The following CDK5RAP2 variants were observed in gnomAD, a reference collection of about 807,000 sequenced individuals.
CDK5RAP2 encodes the protein CDK5 regulatory subunit associated protein 2, also known as CDK5 regulatory subunit-associated protein 2.
CDK5RAP2 carries 147 observed loss-of-function variants against 232.9 expected under a neutral mutation model. That is an observed-to-expected ratio of 0.63 (90% CI 0.55 to 0.72). The LOEUF (loss-of-function observed/expected upper bound fraction) is 0.72, where lower values mean the gene tolerates loss of function less well. CDK5RAP2 is among the 30% of genes least tolerant of loss of function. The pLI, the probability that CDK5RAP2 is intolerant of heterozygous loss-of-function variation, is 0.00. For missense variants in CDK5RAP2, 2,195 were observed against 2,231.5 expected (o/e 0.98, Z 0.33); for synonymous variants, 833 against 833.7 (o/e 1.00, Z 0.01).
intron 27 of CDK5RAP2, among the ~76,000 whole-genome samples, chr9:120,416,962 A>G (rs976811490): frequency 6.6e-6 from 1 of 152,242 alleles, no homozygotes; most frequent in Non-Finnish European, 1.5e-5. Flanking sequence ...ACCTTCAGCT[A>G]TCTCCTGCTA....
intron 21 of CDK5RAP2, among the ~76,000 whole-genome samples, chr9:120,451,887 C>T (rs906945192): frequency 6.8e-6 from 1 of 147,548 alleles, no homozygotes. Flanking sequence ...AATATATATA[C>T]AGACAAACAG....
intron 12 of CDK5RAP2, among the ~76,000 whole-genome samples, chr9:120,494,229 CAT>C (rs757001392): frequency 1.3e-5 from 2 of 152,014 alleles, no homozygotes; most frequent in Non-Finnish European, 2.9e-5. Context: ...TGTCAATACA[CAT>C]ATTTCAGCTC....
intron 3 of CDK5RAP2, among the ~76,000 whole-genome samples, chr9:120,552,236 C>T (rs1289900071): frequency 6.6e-6 from 1 of 151,966 alleles, no homozygotes; most frequent in Non-Finnish European, 1.5e-5. Context: ...CACTTTTACA[C>T]TGTTGGTGGG....
At chr9:120,406,431 G>C (rs976299276) in intron 32 of CDK5RAP2, 1 of 153,540 alleles carries the variant, frequency 6.5e-6, no homozygotes, top group Non-Finnish European at 1.4e-5. Flanking sequence ...TTCATCTCTA[G>C]AGCAAAGAGG....
intron 22 of CDK5RAP2, among the ~76,000 whole-genome samples, chr9:120,446,989 C>T (rs1336059687): frequency 1.3e-5 from 2 of 151,996 alleles, no homozygotes; most frequent in Admixed American, 6.6e-5. Context: ...CCCGACCCTA[C>T]ACACACACAC....
At chr9:120,524,906 A>T (rs2040831605) in intron 11 of CDK5RAP2, 80 bp downstream of exon 11, 1 of 982,522 alleles carries the variant, frequency 1.0e-6, no homozygotes, top group East Asian at 2.4e-5. Flanking sequence ...AAATCACCCA[A>T]GTTCTTTCAG....
At chr9:120,515,256 G>A (rs1447530900) in intron 12 of CDK5RAP2, among the ~76,000 whole-genome samples, 1 of 152,098 alleles carries the variant, frequency 6.6e-6, no homozygotes, top group African/African-American at 2.4e-5. Flanking sequence ...TGGACCCTCT[G>A]GCCAGCCTTT....
intron 16 of CDK5RAP2, among the ~76,000 whole-genome samples, chr9:120,471,024 AC>A (rs1263386540): frequency 1.3e-5 from 2 of 152,030 alleles, no homozygotes. Flanking sequence ...CTTAATACTT[AC>A]TCTACCTAAT....
chr9:120,417,718 ATC>A (rs939360571), intron 27 of CDK5RAP2, among the ~76,000 whole-genome samples: 3 of 152,178 alleles, frequency 2.0e-5, no homozygotes, highest in Admixed American at 2.0e-4. Flanking sequence ...TGGGAGAAAA[ATC>A]TCTCTCTCTT....
At chr9:120,494,167 C>A (rs1275261512) in intron 12 of CDK5RAP2, among the ~76,000 whole-genome samples, 1 of 149,826 alleles carries the variant, frequency 6.7e-6, no homozygotes, top group Non-Finnish European at 1.5e-5. Flanking sequence ...CACACACACA[C>A]ACAGAGAATT....
intron 4 of CDK5RAP2, among the ~76,000 whole-genome samples, chr9:120,549,755 C>T (rs2041983481): frequency 6.6e-6 from 1 of 152,218 alleles, no homozygotes; most frequent in Admixed American, 6.5e-5. Context: ...CACGTATAAA[C>T]TGCTTTAGGC....
In CDK5RAP2 at chr9:120,453,876, GT is replaced by G. The variant is rs1440249022; in HGVS notation, c.2376-4del. 1 of 1,614,030 alleles carries G rather than the reference GT, an allele frequency of 6.2e-7. No individual in the cohort carries two copies. Among genetic ancestry groups the G allele is most frequent in the East Asian group, 2.2e-5 (1 of 44,902 alleles). ...GTACCACTTTCAGAAGGTCTGGCCT[GT>G]TTTTCCAAAAGGGAAGGAAGTGGGA... On this transcript the variant is annotated splice_region_variant and splice_polypyrimidine_tract_variant and intron_variant, in intron 20 of 37. Transcript: ENST00000349780.
chr9:120,568,611 A>C (rs2042733516), intron 2 of CDK5RAP2, among the ~76,000 whole-genome samples: 1 of 152,238 alleles, frequency 6.6e-6, no homozygotes, highest in South Asian at 2.1e-4. Context: ...TGTGCACATC[A>C]GAGGATGAAC....
intron 10 of CDK5RAP2, among the ~76,000 whole-genome samples, 196 bp from the exon 11 acceptor site, chr9:120,525,274 T>C (rs2040849281): frequency 1.3e-5 from 2 of 152,186 alleles, no homozygotes; most frequent in African/African-American, 4.8e-5. Flanking sequence ...TCTTTGAGAC[T>C]CCATTTCCTC....
chr9:120,433,238 C>A (rs893894403), intron 25 of CDK5RAP2, among the ~76,000 whole-genome samples: 4 of 152,190 alleles, frequency 2.6e-5, no homozygotes, highest in Non-Finnish European at 5.9e-5. Flanking sequence ...AATCCTGGTT[C>A]CGCCAAGTCA....
Position 120,428,829 on chromosome 9 carries a change from C to T in CDK5RAP2, c.3956-6088G>A, listed in dbSNP as rs2035091088. Reference sequence around the variant, plus strand: ...AAAAAGAGAATTTTAGACCAAAATCCTTGATGAACATTGATGCAAAAATCC... The same window carrying T: ...AAAAAGAGAATTTTAGACCAAAATCTTTGATGAACATTGATGCAAAAATCC... On this transcript the variant is annotated intron_variant, in intron 25 of 37. Coordinates refer to ENST00000349780, the MANE Select transcript of CDK5RAP2 (RefSeq NM_018249.6). Among the ~76,000 whole-genome samples, 4 of 152,214 alleles carry T rather than the reference C, an allele frequency of 2.6e-5. No homozygotes were observed. The South Asian group carries it at 8.3e-4, about 32-fold the overall frequency.
rs975819096 is a variant in CDK5RAP2 at position 120,409,151 on chromosome 9, C to T, written c.4580G>A (p.Arg1527His). 4.3e-6 allele frequency: 7 copies of T among 1,612,440 alleles called. No homozygotes were observed. The highest frequency in any genetic ancestry group is 1.3e-5 in the African/African-American group (1 of 75,020). ...CCTGCTCAGCTCCTGGCCGCTGCAG[C>T]GGACCTCCTGGATCAGCTGCTGGTT... Reference protein sequence around the residue: ...RHNQQLIQEVRCSGQELSRVQ... With the variant: ...RHNQQLIQEVHCSGQELSRVQ... Residue 1527 changes from arginine to histidine, a missense_variant, in exon 30 of 38, where the codon CGC (arginine) becomes CAC (histidine). Arg to His is a conservative substitution (Grantham distance 29, BLOSUM62 0). Coordinates refer to ENST00000349780, the MANE Select transcript of CDK5RAP2 (RefSeq NM_018249.6).
At chr9:120,506,214 G>A (rs1185123997) in intron 12 of CDK5RAP2, among the ~76,000 whole-genome samples, 1 of 149,360 alleles carries the variant, frequency 6.7e-6, no homozygotes, top group East Asian at 1.9e-4. Flanking sequence ...TACTCTATCT[G>A]TGCTCTACAA....
chr9:120,568,129 T>G (rs1459396175), intron 3 of CDK5RAP2, among the ~76,000 whole-genome samples, 192 bp downstream of exon 3: 1 of 152,182 alleles, frequency 6.6e-6, no homozygotes, highest in Non-Finnish European at 1.5e-5. Context: ...AGAACCTATA[T>G]TTGGCCCTTG....
Sources: gnomAD v4.1 joint callset for allele counts (sites outside exome capture counted in the v4.1 genomes callset) on GRCh38, gnomAD v4.1.1 for gene constraint, MANE v1.5 for transcripts, NCBI Gene and HGNC (gene_info 2026-07-23, HGNC 2026-07-21) for gene names.